The following DDI2 variants were observed in gnomAD, a reference collection of about 807,000 sequenced individuals.
The protein encoded by DDI2 is DDI proteasomal shuttling factor 2.
Under a neutral mutation model 48.1 loss-of-function variants are expected in DDI2, and 5 were observed. The ratio of observed to expected loss-of-function variants is 0.10; its 90% CI spans 0.05 to 0.22. The LOEUF is 0.22. Ranked by LOEUF, DDI2 falls within the 10% of genes least tolerant of loss-of-function variation. The pLI is 1.00. For synonymous variants in DDI2, 205 were observed against 183.6 expected (o/e 1.12, Z -0.94); for missense variants, 285 against 506.2 (o/e 0.56, Z 4.19).
At chr1:15,652,154 A>C (rs1640196428) in intron 8 of DDI2, among the ~76,000 whole-genome samples, 1 of 137,100 alleles carries the variant, frequency 7.3e-6, no homozygotes, top group South Asian at 2.2e-4. Context: ...AGTTCACTGC[A>C]CCCTTGACTT....
intron 1 of DDI2, among the ~76,000 whole-genome samples, chr1:15,623,887 C>T (rs1024004701): frequency 8.6e-5 from 13 of 151,788 alleles, no homozygotes; most frequent in Non-Finnish European, 2.9e-5. Context: ...GGTGAAACCC[C>T]GTCTCTACAA....
intron 1 of DDI2, 83 bp from the exon 2 acceptor site, chr1:15,626,586 A>T (rs1639758321): frequency 6.4e-7 from 1 of 1,571,464 alleles, no homozygotes. Context: ...GTGACATCTG[A>T]TTCAGGGGAA....
At chr1:15,626,849 CAG>C in intron 2 of DDI2, 51 bp downstream of exon 2, 1 of 1,611,064 alleles carries the variant, frequency 6.2e-7, no homozygotes, top group Non-Finnish European at 8.5e-7. Flanking sequence ...CAGCAGGTAG[CAG>C]AGCATAGCAC....
chr1:15,653,968 A>G (rs1292471405), intron 8 of DDI2, among the ~76,000 whole-genome samples: 1 of 152,218 alleles, frequency 6.6e-6, no homozygotes, highest in East Asian at 1.9e-4. Context: ...TCTAGGTAAA[A>G]TGGGGTAACA....
At chr1:15,643,038 G>T (rs1640034216) in intron 5 of DDI2, among the ~76,000 whole-genome samples, 1 of 152,146 alleles carries the variant, frequency 6.6e-6, no homozygotes, top group South Asian at 2.1e-4. Flanking sequence ...CTGCACTTCA[G>T]CCTGGGCGAC....
intron 3 of DDI2, among the ~76,000 whole-genome samples, chr1:15,631,888 C>T (rs1189719608): frequency 6.6e-6 from 1 of 151,970 alleles, no homozygotes; most frequent in Non-Finnish European, 1.5e-5. Flanking sequence ...TCACTGCAAC[C>T]TTCGCCTCCT....
chr1:15,646,909 A>T (rs948426264), intron 6 of DDI2, among the ~76,000 whole-genome samples: 1 of 152,188 alleles, frequency 6.6e-6, no homozygotes, highest in African/African-American at 2.4e-5. Flanking sequence ...AAATTCCTGT[A>T]GTGAGAATCA....
Position 15,626,814 on chromosome 1 carries a change from G to C in DDI2, c.268+16G>C. The C allele has an allele frequency of 6.2e-7, 1 of 1,614,064 alleles. No individual in the cohort carries two copies. The highest frequency in any genetic ancestry group is 8.5e-7 in the Non-Finnish European group (1 of 1,179,998). On this transcript the variant is annotated intron_variant, in intron 2 of 9. Coordinates refer to ENST00000480945, the MANE Select transcript of DDI2 (RefSeq NM_032341.5). ...CAGTTCCCAAGTAAGACATCTGGTG[G>C]TTGAGCATCCCCCAGCAGAACCATC...
chr1:15,626,444 G>A (rs1639756156), intron 1 of DDI2, among the ~76,000 whole-genome samples: 1 of 152,190 alleles, frequency 6.6e-6, no homozygotes, highest in South Asian at 2.1e-4. Flanking sequence ...GTTGTTTGAG[G>A]AACAGCAGTC....
At chr1:15,641,970 A>G (rs1346830839) in intron 5 of DDI2, among the ~76,000 whole-genome samples, 2 of 151,876 alleles carry the variant, frequency 1.3e-5, no homozygotes, top group Admixed American at 1.3e-4. Context: ...AAAAAAAAAA[A>G]AAAAAAGGAG....
chr1:15,660,595 T>C lies in DDI2; in HGVS notation c.*805T>C, dbSNP rs1242314278. The C allele has an allele frequency of 1.2e-6, 2 of 1,613,954 alleles. No individual in the cohort carries two copies. The highest frequency in any genetic ancestry group is 1.7e-5 in the Admixed American group (1 of 59,980). ...TCCATCTTCAGAATGCAGTGGCTGC[T>C]CAAATTCAGAAACATTTATGGAAAT... On this transcript the variant is annotated 3_prime_UTR_variant, in exon 10 of 10. Coordinates refer to ENST00000480945, the MANE Select transcript of DDI2 (RefSeq NM_032341.5).
intron 2 of DDI2, among the ~76,000 whole-genome samples, chr1:15,627,713 T>G (rs1312455071): frequency 1.3e-5 from 2 of 152,236 alleles, no homozygotes; most frequent in African/African-American, 2.4e-5. Context: ...TTTTTTCCAT[T>G]CGCTGCCATA....
rs1293033779 is a variant in DDI2, at chr1:15,667,463, T to A, written c.*7673T>A. On this transcript the variant is annotated 3_prime_UTR_variant, in exon 10 of 10. Coordinates refer to ENST00000480945, the MANE Select transcript of DDI2 (RefSeq NM_032341.5). Reference sequence around the variant, plus strand: ...CGGCAGCATCCTCCTCACATCCCTTTGTGAGCACGGCTGCTCCGGAATACT... The same window carrying A: ...CGGCAGCATCCTCCTCACATCCCTTAGTGAGCACGGCTGCTCCGGAATACT... 6.6e-6 allele frequency: 1 copy of A among 152,214 alleles called. No homozygotes were observed. Among genetic ancestry groups the A allele is most frequent in the African/African-American group, 2.4e-5 (1 of 41,450 alleles). The allele number at this position is 152,214 out of a possible 1,614,324, so 9.4% of individuals were successfully genotyped here.
At chr1:15,646,208 G>C (rs112628248) in intron 6 of DDI2, among the ~76,000 whole-genome samples, 3 of 152,182 alleles carry the variant, frequency 2.0e-5, no homozygotes, top group African/African-American at 7.2e-5. Context: ...CGGCCTTCCC[G>C]CCAGCCTTGC....
rs115811293 is a variant in DDI2 at position 15,640,105 on chromosome 1, T to C, written c.760+1671T>C. On this transcript the variant is annotated intron_variant, in intron 5 of 9. Transcript: ENST00000480945. Reference sequence around the variant, plus strand: ...CTGAAATTATTCAGTTTAAAAAATATCTGTTGTGGGTAGGGCCTTGTGCTG... The same window carrying C: ...CTGAAATTATTCAGTTTAAAAAATACCTGTTGTGGGTAGGGCCTTGTGCTG... 8.7e-3 allele frequency among the ~76,000 whole-genome samples: 1,325 copies of C among 151,894 alleles called. 17 individuals are homozygous for C. The highest frequency in any genetic ancestry group is 0.029 in the African/African-American group (1,213 of 41,400).
At chr1:15,651,567 C>G (rs1050990431) in intron 7 of DDI2, 139 bp from the exon 8 acceptor site, 8 of 704,506 alleles carry the variant, frequency 1.1e-5, no homozygotes, top group Non-Finnish European at 1.7e-5. Flanking sequence ...GATCTGCCCT[C>G]CTCAGCCTCC....
At chr1:15,633,051 C>T (rs1042358032) in intron 3 of DDI2, among the ~76,000 whole-genome samples, 1 of 151,490 alleles carries the variant, frequency 6.6e-6, no homozygotes, top group Admixed American at 6.6e-5. Context: ...AACCCCCATC[C>T]AACAGTAGCT....
intron 6 of DDI2, among the ~76,000 whole-genome samples, chr1:15,646,343 C>T (rs934365932): frequency 2.6e-5 from 4 of 152,184 alleles, no homozygotes; most frequent in Admixed American, 2.6e-4. Context: ...TGCTTTTTAG[C>T]TCTAAAATTT....
At chr1:15,656,433 A>T (rs1393855984) in intron 8 of DDI2, 184 bp from the exon 9 acceptor site, 2 of 1,470,452 alleles carry the variant, frequency 1.4e-6, no homozygotes, top group Admixed American at 5.2e-5. Context: ...TGCTGTGTGT[A>T]TTGTGAGAGA....
Sources: gnomAD v4.1 joint callset for allele counts (sites outside exome capture counted in the v4.1 genomes callset) on GRCh38, gnomAD v4.1.1 for gene constraint, MANE v1.5 for transcripts, NCBI Gene and HGNC (gene_info 2026-07-23, HGNC 2026-07-21) for gene names.